Variants in PRKCQ observed in about 807,000 individuals in gnomAD.
PRKCQ encodes the protein protein kinase C theta type.
PRKCQ carries 41 observed loss-of-function variants against 91.2 expected under a neutral mutation model. That is an observed-to-expected ratio of 0.45 (90% CI 0.35 to 0.58). The LOEUF is 0.58. Among genes scored for constraint, PRKCQ ranks in the 20% least tolerant of loss-of-function variants. The pLI is 0.00. For missense variants in PRKCQ, 673 were observed against 896.5 expected (o/e 0.75, Z 3.18); for synonymous variants, 307 against 316.9 (o/e 0.97, Z 0.33).
intron 16 of PRKCQ, among the ~76,000 whole-genome samples, chr10:6,433,927 A>T (rs2132235393): frequency 6.7e-6 from 1 of 148,784 alleles, no homozygotes; most frequent in East Asian, 2.1e-4. Flanking sequence ...GCTATGCGGG[A>T]GGCTGAGGCA....
intron 1 of PRKCQ, among the ~76,000 whole-genome samples, chr10:6,543,427 C>T (rs998383026): frequency 1.3e-5 from 2 of 151,760 alleles, no homozygotes; most frequent in African/African-American, 2.4e-5. Context: ...GGAAAGGTGG[C>T]GTTGGGGAAA....
chr10:6,566,834 T>C (rs992408474), intron 1 of PRKCQ, among the ~76,000 whole-genome samples: 9 of 152,054 alleles, frequency 5.9e-5, no homozygotes, highest in Non-Finnish European at 1.0e-4. Flanking sequence ...GGAACACTTC[T>C]CAGTCAGATC....
the PRKCQ span, among the ~76,000 whole-genome samples, chr10:6,415,405 C>CATACAT: frequency 9.5e-6 from 1 of 104,878 alleles, no homozygotes; most frequent in Non-Finnish European, 1.8e-5. Context: ...CAAGAAAATA[C>CATACAT]ATATATATAT....
chr10:6,403,968 A>G, the PRKCQ span, among the ~76,000 whole-genome samples: 5 of 152,140 alleles, frequency 3.3e-5, no homozygotes, highest in Admixed American at 6.6e-5. Context: ...CTCTATGGTG[A>G]CAGATAAGAC....
At position 6,438,232 on chromosome 10, in the gene PRKCQ, G is replaced by A. The variant is rs574732377; in HGVS notation, c.1836+3661C>T. ...TCAAGATCTTGATTTTCCAGGGAGA[G>A]CCCTGGAGTTGCCTCCAAGTTTCTA... On this transcript the variant is annotated intron_variant, in intron 16 of 17. Transcript: ENST00000263125. Among the ~76,000 whole-genome samples the A allele has an allele frequency of 2.6e-5, 4 of 152,344 alleles. No individual in the cohort carries two copies. The South Asian group carries it at 6.2e-4, about 24-fold the overall frequency.
chr10:6,489,143 C>A (rs930300224), intron 8 of PRKCQ, among the ~76,000 whole-genome samples: 5 of 151,892 alleles, frequency 3.3e-5, no homozygotes, highest in African/African-American at 1.2e-4. Context: ...TCCACATTGT[C>A]GGCAAAACTC....
In PRKCQ at chr10:6,498,383, CA is replaced by C; in HGVS notation, c.542+12del. ...TAACCCGAAGCTTGGAGGGAGATGC[CA>C]AGTTACTGTACCAGACAAACTCGTG... On this transcript the variant is annotated intron_variant, in intron 5 of 17. Coordinates refer to ENST00000263125, the MANE Select transcript of PRKCQ (RefSeq NM_006257.5). 6.2e-7 allele frequency: 1 copy of C among 1,613,678 alleles called. No individual in the cohort carries two copies. Among genetic ancestry groups the C allele is most frequent in the Non-Finnish European group, 8.5e-7 (1 of 1,179,852 alleles).
At chr10:6,494,969 C>T (rs1837512185) in intron 7 of PRKCQ, among the ~76,000 whole-genome samples, 1 of 152,214 alleles carries the variant, frequency 6.6e-6, no homozygotes, top group Non-Finnish European at 1.5e-5. Flanking sequence ...GCTCTGTTAT[C>T]TACCACACTG....
chr10:6,446,668 T>C (rs1020520039), intron 15 of PRKCQ, among the ~76,000 whole-genome samples: 1 of 152,006 alleles, frequency 6.6e-6, no homozygotes, highest in East Asian at 1.9e-4. Flanking sequence ...GCCCGGCCCA[T>C]GCCCAATTTT....
At chr10:6,448,067 G>A (rs1393103221) in intron 15 of PRKCQ, among the ~76,000 whole-genome samples, 2 of 152,158 alleles carry the variant, frequency 1.3e-5, no homozygotes, top group Non-Finnish European at 2.9e-5. Context: ...GGGGAAGCTG[G>A]GGAGGGTTAT....
chr10:6,557,290 T>C (rs1337892722), intron 1 of PRKCQ, among the ~76,000 whole-genome samples: 1 of 152,208 alleles, frequency 6.6e-6, no homozygotes, highest in Non-Finnish European at 1.5e-5. Context: ...GACTTGGTCA[T>C]TTCCAGACCC....
At chr10:6,516,801 C>T (rs191373490) in intron 1 of PRKCQ, among the ~76,000 whole-genome samples, 54 of 152,192 alleles carry the variant, frequency 3.5e-4, no homozygotes, top group African/African-American at 1.3e-3. Flanking sequence ...AACAGTAGCC[C>T]AGCAGGCGTC....
At chr10:6,461,188 C>T (rs1403797027) in intron 14 of PRKCQ, among the ~76,000 whole-genome samples, 1 of 151,796 alleles carries the variant, frequency 6.6e-6, no homozygotes, top group Admixed American at 6.6e-5. Context: ...ATTCATCCAT[C>T]ATTTGTCCAT....
downstream of PRKCQ, among the ~76,000 whole-genome samples, chr10:6,422,835 C>G (rs954430671): frequency 6.6e-6 from 1 of 152,214 alleles, no homozygotes; most frequent in Non-Finnish European, 1.5e-5. Flanking sequence ...CTGGGCATTT[C>G]CTTCCTGTCC....
intron 1 of PRKCQ, among the ~76,000 whole-genome samples, chr10:6,526,604 G>T (rs1362186501): frequency 6.6e-6 from 1 of 152,132 alleles, no homozygotes; most frequent in Non-Finnish European, 1.5e-5. Context: ...AACGTTCCCG[G>T]CCGAAACATG....
At chr10:6,419,162 C>T in the PRKCQ span, among the ~76,000 whole-genome samples, 2 of 151,936 alleles carry the variant, frequency 1.3e-5, no homozygotes, top group African/African-American at 4.8e-5. Flanking sequence ...TCTATCTTAT[C>T]CATTAACTAT....
In PRKCQ at chr10:6,467,393, G is replaced by GAGAGAGACAGAC. The variant is rs1835737389; in HGVS notation, c.1354-2990_1354-2989insGTCTGTCTCTCT. 1.6e-4 allele frequency among the ~76,000 whole-genome samples: 6 copies of GAGAGAGACAGAC among 36,552 alleles called. 1 individual carries two copies. The highest frequency in any genetic ancestry group is 4.5e-4 in the Admixed American group (2 of 4,400). The allele number at this position is 36,552 out of a possible 152,430, so 24.0% of individuals were successfully genotyped here. A position where few individuals can be genotyped will look rare whatever the true frequency, so the allele number is the denominator to read the frequency against. On this transcript the variant is annotated intron_variant, in intron 12 of 17. Coordinates refer to ENST00000263125, the MANE Select transcript of PRKCQ (RefSeq NM_006257.5). ...AGAGAGACAGAGAGAGACAGACAGAGAGAGAGAGAGAGAGAGAGAGAGAGA... is the reference window on the plus strand; with the variant it reads ...AGAGAGACAGAGAGAGACAGACAGAGAGAGAGACAGACAGAGAGAGAGAGAGAGAGAGAGAGA...
intron 4 of PRKCQ, among the ~76,000 whole-genome samples, chr10:6,503,039 G>C (rs1838004246): frequency 6.6e-6 from 1 of 152,160 alleles, no homozygotes; most frequent in South Asian, 2.1e-4. Context: ...TTCTAGCAAA[G>C]CCGGGGAGAA....
chr10:6,555,234 T>C (rs1287715948), intron 1 of PRKCQ, among the ~76,000 whole-genome samples: 1 of 151,922 alleles, frequency 6.6e-6, no homozygotes, highest in Non-Finnish European at 1.5e-5. Context: ...TCATGTAATA[T>C]ACTCCCTGTA....
Sources: allele counts gnomAD v4.1 joint callset (sites outside exome capture counted in the v4.1 genomes callset), GRCh38; gene constraint gnomAD v4.1.1; transcripts MANE v1.5; gene names NCBI Gene and HGNC (gene_info 2026-07-23, HGNC 2026-07-21).